The following ADGRL2 variants were observed in gnomAD, a reference collection of about 807,000 sequenced individuals.
The protein encoded by ADGRL2 is adhesion G protein-coupled receptor L2, also known as calcium-independent alpha-latrotoxin receptor 2.
ADGRL2 carries 44 observed loss-of-function variants against 157.4 expected under a neutral mutation model. The ratio of observed to expected loss-of-function variants is 0.28; its 90% CI spans 0.22 to 0.36. The LOEUF is 0.36. Ranked by LOEUF, ADGRL2 falls within the 10% of genes least tolerant of loss-of-function variation. The pLI, the probability that ADGRL2 is intolerant of heterozygous loss-of-function variation, is 1.00. For missense variants in ADGRL2, 1,510 were observed against 1,768.9 expected (o/e 0.85, Z 2.63); for synonymous variants, 585 against 624.7 (o/e 0.94, Z 0.95).
intron 1 of ADGRL2, among the ~76,000 whole-genome samples, chr1:81,332,501 G>A (rs1414931506): frequency 5.3e-5 from 8 of 152,116 alleles, no homozygotes; most frequent in Admixed American, 5.2e-4. Context: ...AAATTTAGCA[G>A]TATCTATGTT....
At chr1:81,679,516 C>T (rs2083065018) in intron 3 of ADGRL2, among the ~76,000 whole-genome samples, 1 of 152,054 alleles carries the variant, frequency 6.6e-6, no homozygotes, top group Non-Finnish European at 1.5e-5. Context: ...GCAATAATAC[C>T]TCAAAGTGTT....
intron 2 of ADGRL2, among the ~76,000 whole-genome samples, chr1:81,517,247 C>A (rs1180660179): frequency 6.6e-6 from 1 of 151,786 alleles, no homozygotes; most frequent in Non-Finnish European, 1.5e-5. Flanking sequence ...CCGAGGTGGG[C>A]AGATTACAAG....
At position 81,532,920 on chromosome 1, in the gene ADGRL2, T is replaced by C. The variant is rs181334584; in HGVS notation, c.-247-47956T>C. Among the ~76,000 whole-genome samples, 128 of 150,852 alleles carry C rather than the reference T, an allele frequency of 8.5e-4. No individual in the cohort carries two copies. In the South Asian group the frequency reaches 0.012, roughly 14 times the overall value. Reference sequence around the variant, plus strand: ...GTCTGGGCCACAGAGTGAGACCCTGTCTCAAAAAAAACAACAAAAAATTCT... The same window carrying C: ...GTCTGGGCCACAGAGTGAGACCCTGCCTCAAAAAAAACAACAAAAAATTCT... On this transcript the variant is annotated intron_variant, in intron 2 of 24. Coordinates refer to the ADGRL2 transcript ENST00000370721.
intron 3 of ADGRL2, among the ~76,000 whole-genome samples, chr1:81,923,077 A>G (rs2148635450): frequency 6.6e-6 from 1 of 152,218 alleles, no homozygotes; most frequent in Admixed American, 6.5e-5. Context: ...AATATTTACG[A>G]GTTGGTGTTC....
intron 2 of ADGRL2, among the ~76,000 whole-genome samples, chr1:81,876,460 T>A (rs764800668): frequency 4.2e-4 from 64 of 152,164 alleles, no homozygotes; most frequent in Non-Finnish European, 4.9e-4. Flanking sequence ...TTTACACTCA[T>A]TCATATGTGC....
rs1011230182 is a variant in ADGRL2, at chr1:81,379,587, C to T, written c.-301-65449C>T. Among the ~76,000 whole-genome samples, 6 of 152,290 alleles carry T rather than the reference C, an allele frequency of 3.9e-5. No homozygotes were observed. The East Asian group carries it at 7.7e-4, about 20-fold the overall frequency. On this transcript the variant is annotated intron_variant, in intron 1 of 24. Transcript: ENST00000370721. ...GAGATGGTTTTCCCCTGGAGTCAGACTGCTCGGAGGCCAGGGCTCTCCTCC... is the reference window on the plus strand; with the variant it reads ...GAGATGGTTTTCCCCTGGAGTCAGATTGCTCGGAGGCCAGGGCTCTCCTCC...
At chr1:81,970,242 T>C in intron 15 of ADGRL2, 72 bp from the exon 16 acceptor site, 1 of 956,142 alleles carries the variant, frequency 1.0e-6, no homozygotes, top group South Asian at 1.3e-5. Context: ...TTAGTGAGTA[T>C]TTTATAATTT....
intron 1 of ADGRL2, among the ~76,000 whole-genome samples, chr1:81,821,942 A>G (rs2091019452): frequency 6.6e-6 from 1 of 150,390 alleles, no homozygotes; most frequent in Non-Finnish European, 1.5e-5. Context: ...CAAAGTAGCC[A>G]TGTTTTTTTC....
intron 2 of ADGRL2, among the ~76,000 whole-genome samples, chr1:81,528,662 A>G (rs2079528339): frequency 2.0e-5 from 1 of 49,706 alleles, no homozygotes; most frequent in African/African-American, 4.7e-5. Flanking sequence ...AAAAAAAAAA[A>G]AAAAAAAAAA....
intron 3 of ADGRL2, among the ~76,000 whole-genome samples, chr1:81,594,539 C>T (rs1459871496): frequency 1.3e-5 from 2 of 152,254 alleles, no homozygotes; most frequent in East Asian, 1.9e-4. Context: ...GATTATATTA[C>T]AGAACTTTTC....
At chr1:81,495,630 G>A (rs2078715888) in intron 2 of ADGRL2, among the ~76,000 whole-genome samples, 1 of 152,058 alleles carries the variant, frequency 6.6e-6, no homozygotes, top group Non-Finnish European at 1.5e-5. Flanking sequence ...CTTAATTGAT[G>A]AGCAGAAATC....
chr1:81,858,192 AT>A (rs1337590581), intron 2 of ADGRL2, among the ~76,000 whole-genome samples: 1 of 152,164 alleles, frequency 6.6e-6, no homozygotes, highest in Admixed American at 6.6e-5. Context: ...TTTGGGGATA[AT>A]AGCAGTGTTG....
intron 1 of ADGRL2, among the ~76,000 whole-genome samples, chr1:81,432,658 T>C (rs956914951): frequency 6.6e-6 from 1 of 152,172 alleles, no homozygotes; most frequent in South Asian, 2.1e-4. Flanking sequence ...TGTTTCATCT[T>C]CCTGCCCCCC....
intron 6 of ADGRL2, among the ~76,000 whole-genome samples, chr1:81,945,247 C>A (rs940387694): frequency 1.3e-5 from 2 of 152,002 alleles, no homozygotes; most frequent in South Asian, 2.1e-4. Flanking sequence ...AATAGTGCTT[C>A]TTTATCCTAT....
At chr1:81,662,857 A>T (rs1209725799) in intron 3 of ADGRL2, among the ~76,000 whole-genome samples, 1 of 151,940 alleles carries the variant, frequency 6.6e-6, no homozygotes, top group Non-Finnish European at 1.5e-5. Flanking sequence ...GCCCAGCCTC[A>T]TTCATTCTTT....
At chr1:81,806,160 A>G (rs2089114254) in intron 1 of ADGRL2, among the ~76,000 whole-genome samples, 2 of 152,076 alleles carry the variant, frequency 1.3e-5, no homozygotes, top group Admixed American at 1.3e-4. Flanking sequence ...AATTACTTCA[A>G]GTTTTGACTT....
At chr1:81,785,751 C>T (rs2087013594) in intron 2 of ADGRL2, among the ~76,000 whole-genome samples, 2 of 151,908 alleles carry the variant, frequency 1.3e-5, no homozygotes, top group South Asian at 4.2e-4. Flanking sequence ...ACAAAAAATC[C>T]TTCCAAAACC....
At chr1:81,521,442 A>G (rs1188092611) in intron 2 of ADGRL2, among the ~76,000 whole-genome samples, 2 of 152,180 alleles carry the variant, frequency 1.3e-5, no homozygotes, top group African/African-American at 4.8e-5. Flanking sequence ...AGGAACATGA[A>G]GGTATCACAG....
chr1:81,536,874 C>T (rs1410700942), intron 2 of ADGRL2, among the ~76,000 whole-genome samples: 1 of 152,130 alleles, frequency 6.6e-6, no homozygotes, highest in African/African-American at 2.4e-5. Context: ...GCGTGAAGGG[C>T]ACTGAGCTAG....
Sources: allele counts gnomAD v4.1 joint callset (sites outside exome capture counted in the v4.1 genomes callset), GRCh38; gene constraint gnomAD v4.1.1; transcripts MANE v1.5; gene names NCBI Gene and HGNC (gene_info 2026-07-23, HGNC 2026-07-21).